Variants in CNOT6L observed in about 807,000 individuals in gnomAD.
The protein encoded by CNOT6L is CCR4-NOT transcription complex subunit 6 like, also known as CCR4-NOT transcription complex subunit 6-like.
In CNOT6L, 7 loss-of-function variants were observed where a neutral mutation model predicts 64.0. The observed-to-expected ratio is 0.11, with a 90% confidence interval of 0.06 to 0.21. The LOEUF (loss-of-function observed/expected upper bound fraction) is 0.21. CNOT6L is among the 10% of genes least tolerant of loss of function. CNOT6L has a pLI of 1.00. For missense variants in CNOT6L, 245 were observed against 669.0 expected, an observed-to-expected ratio of 0.37 and a Z score of 6.99; for synonymous variants, 193 against 243.4, an observed-to-expected ratio of 0.79 and a Z score of 1.93.
chr4:77,800,512 TA>T (rs992719929), intron 1 of CNOT6L, among the ~76,000 whole-genome samples: 6 of 148,526 alleles, frequency 4.0e-5, no homozygotes, highest in Non-Finnish European at 7.5e-5. Flanking sequence ...CCCTGTCTCT[TA>T]AAAAAAAAAT....
intron 1 of CNOT6L, among the ~76,000 whole-genome samples, chr4:77,799,291 G>A (rs893707324): frequency 2.0e-5 from 3 of 152,118 alleles, no homozygotes; most frequent in Non-Finnish European, 4.4e-5. Context: ...TGGGAATGGT[G>A]GCACGCACCT....
chr4:77,791,111 A>G (rs901220038), intron 1 of CNOT6L, among the ~76,000 whole-genome samples: 1 of 152,036 alleles, frequency 6.6e-6, no homozygotes, highest in Non-Finnish European at 1.5e-5. Flanking sequence ...AACACCGTCT[A>G]TACTGAAAAT....
chr4:77,755,298 T>C (rs1725432630), intron 5 of CNOT6L, among the ~76,000 whole-genome samples: 1 of 132,112 alleles, frequency 7.6e-6, no homozygotes, highest in Non-Finnish European at 1.5e-5. Flanking sequence ...TGGAGTGCAG[T>C]GGCGCAATCT....
intron 1 of CNOT6L, among the ~76,000 whole-genome samples, chr4:77,776,675 T>C (rs1170262470): frequency 6.6e-6 from 1 of 152,198 alleles, no homozygotes; most frequent in Non-Finnish European, 1.5e-5. Context: ...TCCCTTCATT[T>C]AGCTGCACTG....
At chr4:77,786,767 G>A (rs1011827960) in intron 1 of CNOT6L, among the ~76,000 whole-genome samples, 5 of 151,930 alleles carry the variant, frequency 3.3e-5, no homozygotes, top group Non-Finnish European at 7.4e-5. Context: ...GTGAGCCAAG[G>A]CCTGGCCTAA....
chr4:77,770,356 T>G (rs1727386965), intron 4 of CNOT6L, among the ~76,000 whole-genome samples: 1 of 152,220 alleles, frequency 6.6e-6, no homozygotes, highest in Non-Finnish European at 1.5e-5. Context: ...TCCATTTTTT[T>G]GACATAAAGT....
chr4:77,737,945 A>C (rs988071691), intron 8 of CNOT6L, among the ~76,000 whole-genome samples: 3 of 152,186 alleles, frequency 2.0e-5, no homozygotes, highest in Admixed American at 6.5e-5. Context: ...ACAACCACCT[A>C]TGACACAGGA....
chr4:77,762,775 G>C (rs1031771260), intron 4 of CNOT6L, among the ~76,000 whole-genome samples: 3 of 152,098 alleles, frequency 2.0e-5, no homozygotes, highest in African/African-American at 7.2e-5. Context: ...TGGAAAAGTA[G>C]TTGTCAAGGG....
At chr4:77,748,599 G>A (rs1295827272) in intron 5 of CNOT6L, among the ~76,000 whole-genome samples, 1 of 152,038 alleles carries the variant, frequency 6.6e-6, no homozygotes, top group Non-Finnish European at 1.5e-5. Flanking sequence ...AATAACATTA[G>A]GAAATTCATT....
At chr4:77,818,666 C>G (rs1352423847) in intron 1 of CNOT6L, among the ~76,000 whole-genome samples, 1 of 152,142 alleles carries the variant, frequency 6.6e-6, no homozygotes, top group Non-Finnish European at 1.5e-5. Context: ...CTTCGCCTCT[C>G]AGGAGACGCG....
At chr4:77,779,455 T>C (rs1462576129) in intron 1 of CNOT6L, among the ~76,000 whole-genome samples, 1 of 152,138 alleles carries the variant, frequency 6.6e-6, no homozygotes, top group Non-Finnish European at 1.5e-5. Context: ...TTCTAATCTC[T>C]AAAACAGATA....
chr4:77,776,001 CA>C (rs1728099807), intron 2 of CNOT6L, among the ~76,000 whole-genome samples: 1 of 151,968 alleles, frequency 6.6e-6, no homozygotes, highest in South Asian at 2.1e-4. Flanking sequence ...ATAGCCTAAA[CA>C]AAATCTATTA....
chr4:77,722,216 A>C (rs916602584), intron 11 of CNOT6L, among the ~76,000 whole-genome samples: 6 of 152,156 alleles, frequency 3.9e-5, no homozygotes, highest in African/African-American at 1.4e-4. Flanking sequence ...CTTCAATTCT[A>C]AAATAAAACA....
Position 77,727,099 on chromosome 4 carries a change from T to G in CNOT6L, c.1253-730A>C, listed in dbSNP as rs1198918098. Among the ~76,000 whole-genome samples the G allele has an allele frequency of 2.0e-5, 3 of 152,188 alleles. No individual in the cohort carries two copies. In the East Asian group the frequency reaches 5.8e-4, roughly 29 times the overall value. On this transcript the variant is annotated intron_variant, in intron 10 of 11. Coordinates refer to ENST00000504123, the MANE Select transcript of CNOT6L (RefSeq NM_144571.3). The stretch of plus-strand genomic sequence containing the variant: ...TTCTATTTGTAATAAGGATTGATAG[T>G]AAGATATAATGAATGTGTGATAAGC...
At chr4:77,746,545 A>G (rs1404914865) in intron 6 of CNOT6L, among the ~76,000 whole-genome samples, 1 of 152,202 alleles carries the variant, frequency 6.6e-6, no homozygotes, top group East Asian at 1.9e-4. Context: ...GTTTTTCAAT[A>G]AAGAAAACCC....
Position 77,720,230 on chromosome 4 carries a change from A to C in CNOT6L, c.*201T>G. The stretch of plus-strand genomic sequence containing the variant: ...AACATGTTAAATTAAAATTTTGTAA[A>C]GAGAGTAATACTTTGGTTCCAGCCC... On this transcript the variant is annotated 3_prime_UTR_variant, in exon 12 of 12. Coordinates refer to ENST00000504123, the MANE Select transcript of CNOT6L (RefSeq NM_144571.3). The C allele has an allele frequency of 2.0e-6, 1 of 495,046 alleles. No homozygotes were observed. The highest frequency in any genetic ancestry group is 3.6e-6 in the Non-Finnish European group (1 of 279,690). 30.7% of individuals were successfully genotyped at this position (495,046 alleles called of 1,614,324 possible).
chr4:77,792,309 T>TTAAGCCATCAGTTTGAACAA (rs1405958450), intron 1 of CNOT6L, among the ~76,000 whole-genome samples: 1 of 152,026 alleles, frequency 6.6e-6, no homozygotes. Context: ...ATTCTATACT[T>TTAAGCCATCAGTTTGAACAA]TAAGCCATCA....
At position 77,717,374 on chromosome 4, in the gene CNOT6L, C is replaced by T. The variant is rs186063240; in HGVS notation, c.*3057G>A. 1.3e-5 allele frequency: 2 copies of T among 152,514 alleles called. No homozygotes were observed. The highest frequency in any genetic ancestry group is 3.9e-4 in the East Asian group (2 of 5,178). The allele number at this position is 152,514 out of a possible 1,614,324, so 9.4% of individuals were successfully genotyped here. A position where few individuals can be genotyped will look rare whatever the true frequency, so the allele number is the denominator to read the frequency against. On this transcript the variant is annotated 3_prime_UTR_variant, in exon 12 of 12. Transcript: ENST00000504123. ...TGGCAAACAGTACAGTTTTCTCTTC[C>T]TCAAACAATACTGTTTTAGTAAATT...
chr4:77,742,670 A>G (rs973814385), intron 7 of CNOT6L, among the ~76,000 whole-genome samples: 1 of 152,226 alleles, frequency 6.6e-6, no homozygotes, highest in Non-Finnish European at 1.5e-5. Context: ...ATTTATATAT[A>G]AAAAGGTAAT....
Sources: gnomAD v4.1 joint callset for allele counts (sites outside exome capture counted in the v4.1 genomes callset) on GRCh38, gnomAD v4.1.1 for gene constraint, MANE v1.5 for transcripts, NCBI Gene and HGNC (gene_info 2026-07-23, HGNC 2026-07-21) for gene names.